The following CNTN5 variants were observed in gnomAD, a reference collection of about 807,000 sequenced individuals.
CNTN5 encodes contactin 5.
CNTN5 carries 77 observed loss-of-function variants against 129.1 expected under a neutral mutation model. The observed-to-expected ratio is 0.60, with a 90% CI of 0.50 to 0.72. The LOEUF (loss-of-function observed/expected upper bound fraction) is 0.72. Among genes scored for constraint, CNTN5 ranks in the 30% least tolerant of loss-of-function variants. The probability of loss-of-function intolerance (pLI) is 0.00; values close to 1 mark genes in which losing one functional copy is unlikely to be tolerated. For missense variants in CNTN5, 1,478 were observed against 1,328.8 expected (o/e 1.11, Z -1.75); for synonymous variants, 509 against 465.6 (o/e 1.09, Z -1.20).
At chr11:99,729,686 T>C (rs1405763050) in intron 3 of CNTN5, among the ~76,000 whole-genome samples, 1 of 152,118 alleles carries the variant, frequency 6.6e-6, no homozygotes, top group Non-Finnish European at 1.5e-5. Context: ...AAAGAAAATA[T>C]GGTACATACA....
At chr11:99,366,878 G>T in intron 2 of CNTN5, among the ~76,000 whole-genome samples, 1 of 152,158 alleles carries the variant, frequency 6.6e-6, no homozygotes, top group East Asian at 1.9e-4. Context: ...AATTGTTTCT[G>T]AATGTTGCTT....
intron 3 of CNTN5, among the ~76,000 whole-genome samples, chr11:99,565,474 C>A (rs1446460002): frequency 2.0e-5 from 3 of 152,146 alleles, no homozygotes; most frequent in Non-Finnish European, 4.4e-5. Flanking sequence ...AATAAGACAA[C>A]CTTTGTTTAC....
chr11:100,340,564 G>C lies in CNTN5; in HGVS notation c.2832G>C (p.Thr944=), dbSNP rs201981641. ...TCCTAACAGGATTAGAAGGAAATAC[G>C]TTATATCACTTCACAGTGAGGGCTT... ...FVILTGLEGN[T]LYHFTVRAYN... The change falls in exon 22 of 25, where the codon ACG becomes ACC. Residue 944 remains threonine (T), a synonymous_variant. Coordinates refer to ENST00000524871, the MANE Select transcript of CNTN5 (RefSeq NM_014361.4). 3 of 1,613,370 alleles carry C rather than the reference G, an allele frequency of 1.9e-6. No individual in the cohort carries two copies. In the East Asian group the frequency reaches 6.7e-5, roughly 36 times the overall value.
intron 13 of CNTN5, among the ~76,000 whole-genome samples, chr11:100,135,563 T>C (rs1946497645): frequency 6.6e-6 from 1 of 152,124 alleles, no homozygotes; most frequent in Admixed American, 6.6e-5. Context: ...CTAGGTTAGA[T>C]CACTTTCCTA....
At chr11:100,291,681 G>T (rs1006812842) in intron 18 of CNTN5, among the ~76,000 whole-genome samples, 1 of 151,036 alleles carries the variant, frequency 6.6e-6, no homozygotes, top group Non-Finnish European at 1.5e-5. Flanking sequence ...CAGCGCACCA[G>T]CATGGCACAT....
intron 1 of CNTN5, among the ~76,000 whole-genome samples, chr11:99,211,257 AAACATATTCTTTGT>A (rs1163311613): frequency 2.0e-5 from 3 of 152,038 alleles, no homozygotes; most frequent in African/African-American, 7.2e-5. Flanking sequence ...TGTTTTGGTG[AAACATATTCTTTGT>A]AACCTGCTGT....
intron 1 of CNTN5, among the ~76,000 whole-genome samples, chr11:99,077,007 G>T (rs12421326): frequency 0.027 from 4,094 of 152,182 alleles, 88 homozygotes; most frequent in East Asian, 0.06. Context: ...GTAATATGAA[G>T]GTTCTGGTAG....
rs147176956 is a variant in CNTN5, at chr11:99,601,046, C to A, written c.55+44777C>A. Among the ~76,000 whole-genome samples, 180 of 152,300 alleles carry A rather than the reference C, an allele frequency of 1.2e-3. 1 individual carries two copies. The East Asian group carries it at 0.033, about 28-fold the overall frequency. On this transcript the variant is annotated intron_variant, in intron 3 of 24. Coordinates refer to ENST00000524871, the MANE Select transcript of CNTN5 (RefSeq NM_014361.4). Reference sequence around the variant, plus strand: ...TTTTTGTGTTTGTTTGTCTCTCCTACTAAACAACAAGGATCACATATACCT... The same window carrying A: ...TTTTTGTGTTTGTTTGTCTCTCCTAATAAACAACAAGGATCACATATACCT...
At chr11:99,931,604 A>G (rs1950193839) in intron 7 of CNTN5, among the ~76,000 whole-genome samples, 1 of 152,220 alleles carries the variant, frequency 6.6e-6, no homozygotes, top group African/African-American at 2.4e-5. Context: ...GTAAAAAATA[A>G]TGGATCAAGA....
chr11:99,635,480 G>A (rs986242868), intron 3 of CNTN5, among the ~76,000 whole-genome samples: 4 of 106,164 alleles, frequency 3.8e-5, no homozygotes, highest in Admixed American at 1.1e-4. Context: ...GGAAATCCTA[G>A]CAGAAGTAAT....
At chr11:99,557,020 G>A (rs1038889908) in intron 3 of CNTN5, among the ~76,000 whole-genome samples, 1 of 151,184 alleles carries the variant, frequency 6.6e-6, no homozygotes, top group Non-Finnish European at 1.5e-5. Context: ...TTTACAGCTT[G>A]ATTATATTTA....
intron 1 of CNTN5, among the ~76,000 whole-genome samples, chr11:99,084,997 G>A (rs1865944847): frequency 6.6e-6 from 1 of 151,896 alleles, no homozygotes; most frequent in South Asian, 2.1e-4. Flanking sequence ...TTCACATTAT[G>A]TTGGTGAGGA....
intron 18 of CNTN5, 50 bp downstream of exon 18, chr11:100,271,291 T>G (rs778943288): frequency 8.5e-6 from 12 of 1,407,780 alleles, no homozygotes; most frequent in South Asian, 1.6e-5. Context: ...CTAATCGTCT[T>G]GAAAGTGAGT....
chr11:99,879,919 A>G (rs1948728730), intron 6 of CNTN5, among the ~76,000 whole-genome samples: 1 of 152,246 alleles, frequency 6.6e-6, no homozygotes, highest in Non-Finnish European at 1.5e-5. Flanking sequence ...CAGGAGAAGC[A>G]GTATTTATTT....
chr11:100,079,210 A>G (rs1276727214), intron 13 of CNTN5, among the ~76,000 whole-genome samples: 1 of 152,180 alleles, frequency 6.6e-6, no homozygotes, highest in Non-Finnish European at 1.5e-5. Context: ...GTGGGGACAC[A>G]AAGCCTAACC....
chr11:99,650,678 A>G (rs1184276160), intron 3 of CNTN5, among the ~76,000 whole-genome samples: 1 of 151,936 alleles, frequency 6.6e-6, no homozygotes, highest in Non-Finnish European at 1.5e-5. Context: ...TTGGAAGTAC[A>G]CTGGCAATCT....
intron 3 of CNTN5, among the ~76,000 whole-genome samples, chr11:99,782,684 A>G (rs959685319): frequency 3.4e-4 from 51 of 152,030 alleles, no homozygotes; most frequent in Non-Finnish European, 6.0e-4. Context: ...CATATCCACA[A>G]CTATCTGATC....
Position 100,069,300 on chromosome 11 carries a change from G to A in CNTN5, c.1163-1124G>A, listed in dbSNP as rs12293829. Among the ~76,000 whole-genome samples the A allele has an allele frequency of 4.1e-3, 622 of 152,062 alleles. 5 individuals are homozygous for A. The highest frequency in any genetic ancestry group is 0.014 in the African/African-American group (600 of 41,502). ...TCCAAGTGGCTGGACCGATAGGCAT[G>A]TGCCACCACACCTGAATAATTTTTT... On this transcript the variant is annotated intron_variant, in intron 10 of 24. Transcript: ENST00000524871.
intron 2 of CNTN5, among the ~76,000 whole-genome samples, chr11:99,382,849 T>TTTTTTTTTC (rs1940671142): frequency 1.3e-5 from 1 of 78,068 alleles, no homozygotes; most frequent in Non-Finnish European, 2.7e-5. Flanking sequence ...AAATAACTTT[T>TTTTTTTTTC]TTTTTTTTTT....
Sources: allele counts gnomAD v4.1 joint callset (sites outside exome capture counted in the v4.1 genomes callset), GRCh38; gene constraint gnomAD v4.1.1; transcripts MANE v1.5; gene names NCBI Gene and HGNC (gene_info 2026-07-23, HGNC 2026-07-21).